Variants in KAZN observed in about 807,000 individuals in gnomAD.
The protein encoded by KAZN is kazrin, periplakin interacting protein.
Under a neutral mutation model 87.4 loss-of-function variants are expected in KAZN, and 40 were observed. The ratio of observed to expected loss-of-function variants is 0.46; its 90% CI spans 0.36 to 0.60. The LOEUF (loss-of-function observed/expected upper bound fraction) is 0.60. Among genes scored for constraint, KAZN ranks in the 20% least tolerant of loss-of-function variants. The probability of loss-of-function intolerance (pLI) is 0.00; values close to 1 mark genes in which losing one functional copy is unlikely to be tolerated. For missense variants in KAZN, 898 were observed against 1,073.9 expected, an observed-to-expected ratio of 0.84 and a Z score of 2.29; for synonymous variants, 466 against 458.3, an observed-to-expected ratio of 1.02 and a Z score of -0.22.
At chr1:14,335,187 C>A (rs1001111389) in intron 2 of KAZN, among the ~76,000 whole-genome samples, 37 of 149,768 alleles carry the variant, frequency 2.5e-4, no homozygotes, top group African/African-American at 8.3e-4. Context: ...TAAAGGAGGC[C>A]GGCATGTCCT....
At chr1:14,530,057 C>T (rs763411921) in intron 2 of KAZN, among the ~76,000 whole-genome samples, 18 of 152,180 alleles carry the variant, frequency 1.2e-4, no homozygotes, top group Non-Finnish European at 2.5e-4. Context: ...GCACCAGCTG[C>T]TCTCTGGAGC....
chr1:14,517,526 A>T (rs1429613851), intron 2 of KAZN, among the ~76,000 whole-genome samples: 1 of 152,186 alleles, frequency 6.6e-6, no homozygotes, highest in Non-Finnish European at 1.5e-5. Flanking sequence ...AATCAAACTG[A>T]CAATAAGAAG....
At chr1:14,330,344 C>T (rs1656755910) in intron 2 of KAZN, among the ~76,000 whole-genome samples, 1 of 152,102 alleles carries the variant, frequency 6.6e-6, no homozygotes, top group Non-Finnish European at 1.5e-5. Flanking sequence ...ATTAGGATTC[C>T]CCAACCTACT....
intron 1 of KAZN, among the ~76,000 whole-genome samples, chr1:14,700,852 C>G (rs1451388788): frequency 6.6e-6 from 1 of 152,118 alleles, no homozygotes; most frequent in African/African-American, 2.4e-5. Context: ...CACCTCTTAG[C>G]ATGGAATAAG....
intron 1 of KAZN, among the ~76,000 whole-genome samples, chr1:14,685,612 C>T (rs1640909159): frequency 6.6e-6 from 1 of 152,186 alleles, no homozygotes; most frequent in African/African-American, 2.4e-5. Context: ...TGCTCAGAGT[C>T]ACTTGTGGTT....
intron 1 of KAZN, among the ~76,000 whole-genome samples, chr1:13,984,999 A>G (rs539156650): frequency 6.6e-6 from 1 of 152,304 alleles, no homozygotes; most frequent in East Asian, 1.9e-4. Context: ...AAATAAAATT[A>G]ACTATAGGAT....
At chr1:14,887,359 T>C (rs1394381740) in intron 1 of KAZN, among the ~76,000 whole-genome samples, 6 of 152,236 alleles carry the variant, frequency 3.9e-5, no homozygotes, top group Admixed American at 3.3e-4. Context: ...ATGAGTGCCA[T>C]GTTCCCAGAT....
intron 1 of KAZN, among the ~76,000 whole-genome samples, chr1:13,899,203 G>A (rs1436003215): frequency 6.6e-6 from 1 of 152,170 alleles, no homozygotes; most frequent in African/African-American, 2.4e-5. Context: ...ACCATAGGTG[G>A]CACTTATTGG....
chr1:14,485,710 T>C (rs1340531242), intron 2 of KAZN, among the ~76,000 whole-genome samples: 3 of 151,918 alleles, frequency 2.0e-5, no homozygotes, highest in Non-Finnish European at 2.9e-5. Context: ...CTGACCAACA[T>C]GGTGAAACCC....
chr1:14,840,182 G>T (rs559083230), intron 1 of KAZN, among the ~76,000 whole-genome samples: 10 of 152,284 alleles, frequency 6.6e-5, no homozygotes, highest in African/African-American at 2.2e-4. Flanking sequence ...CACGGTGATT[G>T]CCGATTCAAG....
chr1:14,998,797 A>T (rs6665119), intron 2 of KAZN, among the ~76,000 whole-genome samples: 1 of 151,858 alleles, frequency 6.6e-6, no homozygotes, highest in African/African-American at 2.4e-5. Flanking sequence ...TGACCTGCCC[A>T]CCTCGACCTC....
At chr1:13,961,055 C>T (rs1020672506) in intron 1 of KAZN, among the ~76,000 whole-genome samples, 10 of 152,292 alleles carry the variant, frequency 6.6e-5, no homozygotes, top group East Asian at 1.9e-4. Flanking sequence ...AAAGAGACAA[C>T]GTTCCTGCAT....
rs144495552 is a variant in KAZN at position 14,077,650 on chromosome 1, A to G, written c.92-102785A>G. ...CCAAAAGATGGTGTAGATAATTGTT[A>G]TGGGTTGAATTGTGTTTCCCAAAAA... On this transcript the variant is annotated intron_variant, in intron 1 of 16. Transcript: ENST00000636203. Among the ~76,000 whole-genome samples, 412 of 151,908 alleles carry G rather than the reference A, an allele frequency of 2.7e-3. 10 individuals are homozygous for G. The South Asian group carries it at 0.067, about 25-fold the overall frequency.
At chr1:14,419,276 CAA>C (rs780731154) in intron 2 of KAZN, among the ~76,000 whole-genome samples, 3 of 152,126 alleles carry the variant, frequency 2.0e-5, no homozygotes, top group East Asian at 1.9e-4. Flanking sequence ...GTGACTTTCC[CAA>C]AGTCATAAAG....
intron 2 of KAZN, among the ~76,000 whole-genome samples, chr1:15,017,033 T>G (rs1670185879): frequency 6.6e-6 from 1 of 152,090 alleles, no homozygotes; most frequent in South Asian, 2.1e-4. Flanking sequence ...CGCCGTGGCT[T>G]ATGCCTGTAA....
At chr1:14,243,621 A>G (rs1040628112) in intron 2 of KAZN, among the ~76,000 whole-genome samples, 12 of 152,160 alleles carry the variant, frequency 7.9e-5, no homozygotes, top group Non-Finnish European at 1.8e-4. Context: ...ATTTGTTAAG[A>G]TGACCGATCT....
intron 2 of KAZN, among the ~76,000 whole-genome samples, chr1:14,375,907 A>G (rs1196998060): frequency 6.6e-6 from 1 of 151,448 alleles, no homozygotes; most frequent in Non-Finnish European, 1.5e-5. Context: ...AAAAAAAAAA[A>G]GAAATTACAT....
intron 2 of KAZN, among the ~76,000 whole-genome samples, chr1:14,334,466 GA>G (rs1486073682): frequency 3.3e-5 from 5 of 150,864 alleles, no homozygotes; most frequent in African/African-American, 1.2e-4. Context: ...TCACCCTGCA[GA>G]AATGGAAAGT....
intron 1 of KAZN, among the ~76,000 whole-genome samples, chr1:14,667,023 C>T (rs1359901070): frequency 3.3e-5 from 5 of 152,170 alleles, no homozygotes; most frequent in Non-Finnish European, 5.9e-5. Context: ...AGAGAACCAA[C>T]CGTTGAATTT....
Sources: allele counts gnomAD v4.1 joint callset (sites outside exome capture counted in the v4.1 genomes callset), GRCh38; gene constraint gnomAD v4.1.1; transcripts MANE v1.5; gene names NCBI Gene and HGNC (gene_info 2026-07-23, HGNC 2026-07-21).